TTN: variants seen among roughly 807,000 people sequenced by gnomAD.
The protein encoded by TTN is titin.
Under a neutral mutation model 3,223.0 loss-of-function variants are expected in TTN, and 1,525 were observed. That is an observed-to-expected ratio of 0.47 (90% CI 0.45 to 0.49). The LOEUF (loss-of-function observed/expected upper bound fraction) is 0.49, where lower values mean the gene tolerates loss of function less well. TTN is among the 20% of genes least tolerant of loss of function. TTN has a pLI of 0.00. For synonymous variants in TTN, 14,094 were observed against 15,161.0 expected (o/e 0.93, Z 5.17); for missense variants, 40,786 against 43,424.0 (o/e 0.94, Z 5.40).
At chr2:178,556,214 G>C (rs1455715615) in intron 330 of TTN, 3 of 153,114 alleles carry the variant, frequency 2.0e-5, no homozygotes, top group African/African-American at 4.8e-5. Flanking sequence ...TGGATCACCT[G>C]AGGTCAGGAG....
At position 178,718,224 on chromosome 2, in the gene TTN, A is replaced by G. The variant is rs771432456; in HGVS notation, c.24785-3T>C. 5.6e-6 allele frequency: 9 copies of G among 1,596,860 alleles called. No individual in the cohort carries two copies. The highest frequency in any genetic ancestry group is 7.7e-6 in the Non-Finnish European group (9 of 1,174,262). On this transcript the variant is annotated splice_region_variant and splice_polypyrimidine_tract_variant and intron_variant, in intron 85 of 362. Coordinates refer to ENST00000589042, the MANE Select transcript of TTN (RefSeq NM_001267550.2). ...AGGTTCAATAAAGTACGGTGGTTCT[A>G]TGGTACAAAGGATGGTAGTCAGCAA...
rs369287578 is a variant in TTN at position 178,713,109 on chromosome 2, A to C, written c.27025T>G (p.Cys9009Gly). ...CCTCTCACAGTCAAAGGAGCACTACATTCATCAGAACCAGCCATATTAGTA... is the reference window on the plus strand; with the variant it reads ...CCTCTCACAGTCAAAGGAGCACTACCTTCATCAGAACCAGCCATATTAGTA... Reference protein sequence around the residue: ...IATNMAGSDECSAPLTVREPP... With the variant: ...IATNMAGSDEGSAPLTVREPP... Residue 9009 changes from cysteine to glycine, a missense_variant, in exon 93 of 363, where the codon TGT (cysteine) becomes GGT (glycine). Cys to Gly is a radical substitution (Grantham distance 159). Coordinates refer to ENST00000589042, the MANE Select transcript of TTN (RefSeq NM_001267550.2). 6.2e-7 allele frequency: 1 copy of C among 1,613,640 alleles called. No homozygotes were observed. The highest frequency in any genetic ancestry group is 8.5e-7 in the Non-Finnish European group (1 of 1,179,662).
intron 102 of TTN, among the ~76,000 whole-genome samples, chr2:178,705,948 T>C (rs1451518979): frequency 6.6e-6 from 1 of 152,208 alleles, no homozygotes; most frequent in East Asian, 1.9e-4. Context: ...AAAATCTTAA[T>C]AGACATTCAC....
intron 344 of TTN, among the ~76,000 whole-genome samples, chr2:178,545,100 A>G (rs1696442510): frequency 6.6e-6 from 1 of 152,114 alleles, no homozygotes; most frequent in South Asian, 2.1e-4. Context: ...AGTACAATGC[A>G]TTTTTCTCTA....
At position 178,693,980 on chromosome 2, in the gene TTN, A is replaced by G. The variant is rs1299416122; in HGVS notation, c.31455T>C (p.Val10485=). 5 of 1,612,496 alleles carry G rather than the reference A, an allele frequency of 3.1e-6. No homozygotes were observed. Among genetic ancestry groups the G allele is most frequent in the Admixed American group, 1.7e-5 (1 of 59,836 alleles). The change falls in exon 118 of 363, where the codon GTT becomes GTC. Residue 10485 remains valine (V), a synonymous_variant. Transcript: ENST00000589042. ...CAAAGAACATCTTTTCTTCTGAAATAACCATCTTCTTTGTATGCACAGCTG... is the reference window on the plus strand; with the variant it reads ...CAAAGAACATCTTTTCTTCTGAAATGACCATCTTCTTTGTATGCACAGCTG... ...KVPAVHTKKM[V]ISEEKMFFAS... is the part of the protein sequence containing the mutation.
rs745946937 is a variant in TTN, at chr2:178,549,167, T to C, written c.92459A>G (p.Asn30820Ser). ...GACCACTGTGGGAGGACCTGGTGGG[T>C]TGACGGGCTCTCTACATTTAATGAG... ...SRLIKCREPV[N>S]PPGPPTVVKV... Residue 30820 changes from asparagine to serine, a missense_variant, in exon 339 of 363, where the codon AAC (asparagine) becomes AGC (serine). By Grantham distance (46) the Asn-to-Ser change is conservative. Coordinates refer to ENST00000589042, the MANE Select transcript of TTN (RefSeq NM_001267550.2). The C allele has an allele frequency of 2.5e-6, 4 of 1,613,810 alleles. No individual in the cohort carries two copies. Among genetic ancestry groups the C allele is most frequent in the Non-Finnish European group, 1.7e-6 (2 of 1,179,804 alleles).
chr2:178,760,345 C>T (rs149203200), intron 43 of TTN, among the ~76,000 whole-genome samples: 3 of 152,200 alleles, frequency 2.0e-5, no homozygotes, highest in East Asian at 1.9e-4. Flanking sequence ...GCCTGACGAA[C>T]GTGGTGAAAC....
Position 178,598,775 on chromosome 2 carries a change from CTGATGGCAGACT to C in TTN, c.56923_56934del (p.Ser18975_Ser18978del), listed in dbSNP as rs2052499063. On this transcript the variant is annotated inframe_deletion, in exon 291 of 363. Transcript: ENST00000589042. ...ATTGGATCTCTAGCAGTCGCTGGGT[CTGATGGCAGACT>C]TGCTGGACCCACGCCAGCAGCATTG... The C allele has an allele frequency of 6.2e-7, 1 of 1,613,244 alleles. No individual in the cohort carries two copies. The highest frequency in any genetic ancestry group is 1.3e-5 in the African/African-American group (1 of 74,886).
rs150987573 is a variant in TTN at position 178,789,863 on chromosome 2, G to A, written c.1938+115C>T. 1,545 of 1,393,414 alleles carry A rather than the reference G, an allele frequency of 1.1e-3. 23 individuals carry two copies. The African/African-American group carries it at 0.02, about 18-fold the overall frequency. The allele number at this position is 1,393,414 out of a possible 1,614,324, so 86.3% of individuals were successfully genotyped here. The stretch of plus-strand genomic sequence containing the variant: ...TCTCATATTTACCATTTTGTTTTTA[G>A]TTAGGGATTTTAAAAGGCAAATACA... On this transcript the variant is annotated intron_variant, in intron 12 of 362. Transcript: ENST00000589042.
Position 178,578,183 on chromosome 2 carries a change from A to G in TTN, c.68332T>C (p.Tyr22778His), listed in dbSNP as rs376535279. Residue 22778 changes from tyrosine (Y) to histidine (H), a missense_variant and splice_region_variant, in exon 322 of 363, where the codon TAT becomes CAT. Tyr to His is a moderately conservative substitution (Grantham distance 83). Coordinates refer to ENST00000589042, the MANE Select transcript of TTN (RefSeq NM_001267550.2). ...TTTCTTTCCTTGAACTCGAGATGAT[A>G]CCCTACAAAAGACCCAGGGATGTAT... ...KKTGGSPITG[Y>H]HLEFKERNSL... 1 of 1,610,332 alleles carries G rather than the reference A, an allele frequency of 6.2e-7. No individual in the cohort carries two copies. Among genetic ancestry groups the G allele is most frequent in the East Asian group, 2.2e-5 (1 of 44,766 alleles).
rs535870147 is a variant in TTN at position 178,558,332 on chromosome 2, T to C, written c.87118+9A>G. Reference sequence around the variant, plus strand: ...TTCAAATTTTGCTTCTACACAAAATTAGACATACCTAGTTGCTCCTTAATA... The same window carrying C: ...TTCAAATTTTGCTTCTACACAAAATCAGACATACCTAGTTGCTCCTTAATA... On this transcript the variant is annotated intron_variant, in intron 327 of 362. Transcript: ENST00000589042. 6 of 1,603,762 alleles carry C rather than the reference T, an allele frequency of 3.7e-6. No individual in the cohort carries two copies. In the African/African-American group the frequency reaches 5.4e-5, roughly 14 times the overall value.
Position 178,677,524 on chromosome 2 carries a change from T to C in TTN, c.34291+97A>G, listed in dbSNP as rs2068363214. 3.1e-6 allele frequency: 4 copies of C among 1,295,584 alleles called. No individual in the cohort carries two copies. In the South Asian group the frequency reaches 6.4e-5, roughly 21 times the overall value. The allele number at this position is 1,295,584 out of a possible 1,614,324, so 80.3% of individuals were successfully genotyped here. A position where few individuals can be genotyped will look rare whatever the true frequency, so the allele number is the denominator to read the frequency against. On this transcript the variant is annotated intron_variant, in intron 146 of 362. Coordinates refer to ENST00000589042, the MANE Select transcript of TTN (RefSeq NM_001267550.2). ...GATTTAGGTGGTCAATCACAGAGGG[T>C]AAAGGATTATAGATAAAACTGGAGA...
At chr2:178,756,877 T>C in intron 45 of TTN, 80 bp from the exon 46 acceptor site, 1 of 1,293,482 alleles carries the variant, frequency 7.7e-7, no homozygotes, top group Non-Finnish European at 1.1e-6. Flanking sequence ...TAACACAAAA[T>C]GGCATGGAAG....
At position 178,609,258 on chromosome 2, in the gene TTN, A is replaced by C. The variant is rs565423253; in HGVS notation, c.52052T>G (p.Val17351Gly). 4.5e-6 allele frequency: 7 copies of C among 1,540,344 alleles called. No individual in the cohort carries two copies. The highest frequency in any genetic ancestry group is 6.1e-6 in the Non-Finnish European group (7 of 1,147,772). Reference protein sequence around the residue: ...RPDHGLYMIKVENDHGIAKAP... With the variant: ...RPDHGLYMIKGENDHGIAKAP... Reference sequence around the variant, plus strand: ...TTTTGCAATACCGTGGTCATTTTCAACTTTGATCATATACAGACCATGGTC... The same window carrying C: ...TTTTGCAATACCGTGGTCATTTTCACCTTTGATCATATACAGACCATGGTC... The change falls in exon 273 of 363, where the codon GTT becomes GGT. Residue 17351 changes from valine to glycine, a missense_variant. By Grantham distance (109) the Val-to-Gly change is moderately radical. Transcript: ENST00000589042.
chr2:178,624,649 G>T lies in TTN; in HGVS notation c.44631C>A (p.Ser14877=), dbSNP rs2058763142. 6.2e-7 allele frequency: 1 copy of T among 1,612,314 alleles called. No individual in the cohort carries two copies. The part of the protein sequence containing the change: ...GATAVLECEV[S]RENAKVKWFK... Reference sequence around the variant, plus strand: ...ACCATTTCACCTTAGCATTTTCTCTGGAGACTTCACACTCCAGCACTGCAG... The same window carrying T: ...ACCATTTCACCTTAGCATTTTCTCTTGAGACTTCACACTCCAGCACTGCAG... The change falls in exon 242 of 363, where the codon TCC becomes TCA. Residue 14877 remains serine (S), a synonymous_variant. Transcript: ENST00000589042.
In TTN at chr2:178,738,475, T is replaced by C. The variant is rs970375977; in HGVS notation, c.14093-115A>G. On this transcript the variant is annotated intron_variant, in intron 48 of 362. Coordinates refer to ENST00000589042, the MANE Select transcript of TTN (RefSeq NM_001267550.2). The stretch of plus-strand genomic sequence containing the variant: ...AGTAAAACAGTTGAAATTGGTGAGA[T>C]GGATTACAGCAGTTTAAGGCAAGTG... The C allele has an allele frequency of 7.0e-6, 9 of 1,283,610 alleles. No homozygotes were observed. The African/African-American group carries it at 1.0e-4, about 15-fold the overall frequency. 79.5% of individuals were successfully genotyped at this position (1,283,610 alleles called of 1,614,324 possible). A position where few individuals can be genotyped will look rare whatever the true frequency, so the allele number is the denominator to read the frequency against.
intron 349 of TTN, 53 bp from the exon 350 acceptor site, chr2:178,541,637 A>G (rs1001738929): frequency 6.8e-7 from 1 of 1,468,728 alleles, no homozygotes; most frequent in African/African-American, 1.4e-5. Context: ...CGTTAAAACA[A>G]TGACTCATAT....
Position 178,611,413 on chromosome 2 carries a change from G to A in TTN, c.50816C>T (p.Pro16939Leu), listed in dbSNP as rs1321289317. The A allele has an allele frequency of 1.2e-6, 2 of 1,612,836 alleles. No homozygotes were observed. The highest frequency in any genetic ancestry group is 1.7e-6 in the Non-Finnish European group (2 of 1,179,302). ...AACCACATTTTCAGAGATTTCAGAT[G>A]GCTCGCTGACACCAATAGCATTGAC... ...RAVNAIGVSE[P>L]SEISENVVAK... Residue 16939 changes from proline (P) to leucine (L), a missense_variant, in exon 269 of 363, where the codon CCA becomes CTA. Physicochemically the swap from Pro to Leu is moderately conservative, Grantham distance 98 (BLOSUM62 -3). Coordinates refer to ENST00000589042, the MANE Select transcript of TTN (RefSeq NM_001267550.2).
intron 47 of TTN, chr2:178,747,295 A>G: frequency 6.2e-7 from 1 of 1,613,250 alleles, no homozygotes. Flanking sequence ...ATCTTTCAGC[A>G]ACTTCCCCTA....
Sources: gnomAD v4.1 joint callset for allele counts (sites outside exome capture counted in the v4.1 genomes callset) on GRCh38, gnomAD v4.1.1 for gene constraint, MANE v1.5 for transcripts, NCBI Gene and HGNC (gene_info 2026-07-23, HGNC 2026-07-21) for gene names.